The following INO80 variants were observed in gnomAD, a reference collection of about 807,000 sequenced individuals.
INO80 encodes chromatin-remodeling ATPase INO80.
In INO80, 20 loss-of-function variants were observed where a neutral mutation model predicts 203.4. That is an observed-to-expected ratio of 0.10 (90% CI 0.07 to 0.14). INO80 has a LOEUF of 0.14. Ranked by LOEUF, INO80 falls within the 10% of genes least tolerant of loss-of-function variation. INO80 has a pLI of 1.00. For synonymous variants in INO80, 726 were observed against 685.2 expected (o/e 1.06, Z -0.93); for missense variants, 1,419 against 1,914.4 (o/e 0.74, Z 4.83).
chr15:41,099,295 AGAGT>A (rs1475825693), intron 1 of INO80, among the ~76,000 whole-genome samples: 1 of 148,898 alleles, frequency 6.7e-6, no homozygotes, highest in Non-Finnish European at 1.5e-5. Context: ...ACACAACAAG[AGAGT>A]GAGAGAGAGG....
intron 26 of INO80, chr15:41,016,891 T>G (rs1374498488): frequency 6.6e-6 from 1 of 152,064 alleles, no homozygotes; most frequent in Non-Finnish European, 1.5e-5. Context: ...AACAGGGTAT[T>G]GCCATATTGC....
In INO80 at chr15:41,057,492, G is replaced by A. The variant is rs181063318; in HGVS notation, c.1986-786C>T. 5.4e-4 allele frequency among the ~76,000 whole-genome samples: 80 copies of A among 147,882 alleles called. 1 individual carries two copies. The highest frequency in any genetic ancestry group is 1.9e-3 in the African/African-American group (76 of 39,854). ...AAAAAAAAAAAGATTGCTGTAGGAA[G>A]TAAGACCTTTCTGAGGATAGAAAGT... On this transcript the variant is annotated intron_variant, in intron 16 of 35. Transcript: ENST00000648947.
At chr15:40,990,068 C>A (rs1188044685) in intron 29 of INO80, among the ~76,000 whole-genome samples, 1 of 151,860 alleles carries the variant, frequency 6.6e-6, no homozygotes, top group Non-Finnish European at 1.5e-5. Flanking sequence ...TTGTTGGGTA[C>A]TTATGAGCCC....
chr15:41,108,242 A>T (rs948572774), intron 1 of INO80, among the ~76,000 whole-genome samples: 3 of 152,170 alleles, frequency 2.0e-5, no homozygotes, highest in Non-Finnish European at 2.9e-5. Flanking sequence ...TTCAGTGGAA[A>T]CAGCATGGTA....
chr15:41,036,413 C>G (rs2044577307), intron 24 of INO80, among the ~76,000 whole-genome samples: 1 of 152,112 alleles, frequency 6.6e-6, no homozygotes, highest in South Asian at 2.1e-4. Flanking sequence ...CGTGTCACCT[C>G]TAGTTCTCAG....
At chr15:41,039,016 T>C (rs927078946) in intron 24 of INO80, among the ~76,000 whole-genome samples, 31 of 152,254 alleles carry the variant, frequency 2.0e-4, no homozygotes, top group African/African-American at 6.8e-4. Context: ...TAAACCCGCA[T>C]AGGGTGGCAT....
chr15:40,998,983 T>TACACACAC (rs10650860), intron 28 of INO80, among the ~76,000 whole-genome samples: 31,535 of 140,190 alleles, frequency 0.22, 3,795 homozygotes, highest in Middle Eastern at 0.3. Flanking sequence ...AAGATTTATC[T>TACACACAC]ACACACACAC....
chr15:41,003,967 T>A (rs1175222613), intron 28 of INO80, among the ~76,000 whole-genome samples: 1 of 152,160 alleles, frequency 6.6e-6, no homozygotes, highest in Non-Finnish European at 1.5e-5. Context: ...GCTCTGAGGC[T>A]GGAGTAGGTA....
At chr15:41,094,270 T>G (rs561853400) in intron 4 of INO80, among the ~76,000 whole-genome samples, 2 of 152,286 alleles carry the variant, frequency 1.3e-5, no homozygotes, top group Admixed American at 6.5e-5. Flanking sequence ...GTCTTGTAAC[T>G]TCATCTTCCA....
chr15:41,039,515 T>A (rs1479898829), intron 24 of INO80, among the ~76,000 whole-genome samples: 1 of 152,182 alleles, frequency 6.6e-6, no homozygotes, highest in Non-Finnish European at 1.5e-5. Context: ...TTGCCTACTG[T>A]GGTATGCAGT....
chr15:41,034,707 A>G (rs938677275), intron 24 of INO80, among the ~76,000 whole-genome samples: 3 of 152,238 alleles, frequency 2.0e-5, no homozygotes, highest in African/African-American at 7.2e-5. Flanking sequence ...AAAAAGAATG[A>G]TGAGACCCCT....
intron 29 of INO80, among the ~76,000 whole-genome samples, chr15:40,991,776 C>A (rs1049453295): frequency 4.6e-5 from 7 of 151,610 alleles, no homozygotes; most frequent in African/African-American, 1.7e-4. Flanking sequence ...AGGAAAATTT[C>A]TTTCTTTTTT....
At chr15:41,008,892 G>A (rs2140445176) in intron 27 of INO80, among the ~76,000 whole-genome samples, 1 of 152,290 alleles carries the variant, frequency 6.6e-6, no homozygotes, top group Middle Eastern at 3.4e-3. Context: ...GGAGCGCAAT[G>A]GTGAGATCTT....
Position 41,048,248 on chromosome 15 carries a change from G to C in INO80, c.2605C>G (p.Pro869Ala), listed in dbSNP as rs368326435. The C allele has an allele frequency of 1.9e-6, 3 of 1,613,176 alleles. No homozygotes were observed. In the African/African-American group the frequency reaches 4.0e-5, roughly 22 times the overall value. ...RWLRVLSPFAPDYIQRSLFHR... is the reference protein window; with the variant it reads ...RWLRVLSPFAADYIQRSLFHR... The stretch of plus-strand genomic sequence containing the variant: ...AAGAGAGACCGTTGGATATAGTCTG[G>C]TGCAAATGGAGAAAGAACCCTTAAC... Residue 869 changes from proline (P) to alanine (A), a missense_variant, in exon 22 of 36, where the codon CCA (proline) becomes GCA (alanine). By Grantham distance (27) the Pro-to-Ala change is conservative. Around this residue, in one of 9 missense-constraint regions of INO80, gnomAD observed 302 missense variants for 345.4 expected, o/e 0.87. Transcript: ENST00000648947.
At chr15:41,109,257 C>T in intron 1 of INO80, 1 of 151,912 alleles carries the variant, frequency 6.6e-6, no homozygotes, top group Non-Finnish European at 1.5e-5. Context: ...AGCTCGAGAC[C>T]AGCCTGGCCA....
At position 41,096,362 on chromosome 15, in the gene INO80, C is replaced by T. The variant is rs768137407; in HGVS notation, c.-43-9G>A. 1.3e-6 allele frequency: 2 copies of T among 1,503,546 alleles called. No homozygotes were observed. The highest frequency in any genetic ancestry group is 1.3e-5 in the South Asian group (1 of 75,086). 93.1% of individuals were successfully genotyped at this position (1,503,546 alleles called of 1,614,324 possible). ...GACCTCCGACTGCACGGCTGCAGAA[C>T]AGAGATAAGAAGTGAAAGATGAAAT... On this transcript the variant is annotated splice_polypyrimidine_tract_variant and intron_variant, in intron 1 of 35. Coordinates refer to ENST00000648947, the MANE Select transcript of INO80 (RefSeq NM_017553.3).
intron 1 of INO80, among the ~76,000 whole-genome samples, chr15:41,115,476 G>A (rs1237820582): frequency 6.6e-6 from 1 of 152,104 alleles, no homozygotes; most frequent in African/African-American, 2.4e-5. Flanking sequence ...AGCCAGCAGC[G>A]TGCACCATTC....
intron 1 of INO80, among the ~76,000 whole-genome samples, chr15:41,103,079 C>T (rs559341975): frequency 1.6e-4 from 25 of 152,256 alleles, no homozygotes; most frequent in African/African-American, 5.8e-4. Flanking sequence ...TTCTCATATG[C>T]CTCCACAGCA....
chr15:40,981,803 G>A (rs899746518), intron 35 of INO80, among the ~76,000 whole-genome samples: 4 of 152,118 alleles, frequency 2.6e-5, no homozygotes, highest in Non-Finnish European at 5.9e-5. Flanking sequence ...CATCTGCTAA[G>A]CTCCTGCCCA....
Sources: gnomAD v4.1 joint callset for allele counts (sites outside exome capture counted in the v4.1 genomes callset) on GRCh38, gnomAD v4.1.1 for gene constraint, gnomAD v4.1.1 regional missense constraint, MANE v1.5 for transcripts, NCBI Gene and HGNC (gene_info 2026-07-23, HGNC 2026-07-21) for gene names.